The following INSR variants were observed in gnomAD, a reference collection of about 807,000 sequenced individuals.
INSR encodes the protein IR.
In INSR, 67 loss-of-function variants were observed where a neutral mutation model predicts 142.6. The ratio of observed to expected loss-of-function variants is 0.47; its 90% CI spans 0.39 to 0.58. The LOEUF is 0.58. INSR is among the 20% of genes least tolerant of loss of function. The pLI, the probability that INSR is intolerant of heterozygous loss-of-function variation, is 0.00. For missense variants in INSR, 1,248 were observed against 1,833.2 expected (o/e 0.68, Z 5.83); for synonymous variants, 756 against 743.1 (o/e 1.02, Z -0.28).
chr19:7,136,900 C>T (rs1260414923), intron 13 of INSR, among the ~76,000 whole-genome samples: 2 of 150,778 alleles, frequency 1.3e-5, no homozygotes, highest in Admixed American at 6.6e-5. Flanking sequence ...GGTGTGATCT[C>T]GGAATCACTG....
intron 2 of INSR, among the ~76,000 whole-genome samples, chr19:7,185,130 G>A (rs1175115214): frequency 1.3e-5 from 2 of 152,174 alleles, no homozygotes; most frequent in African/African-American, 2.4e-5. Context: ...ATGATATTAG[G>A]AGGTGGTGAG....
At chr19:7,142,389 C>CAAAAAAAA (rs34453877) in intron 12 of INSR, among the ~76,000 whole-genome samples, 21 of 42,142 alleles carry the variant, frequency 5.0e-4, no homozygotes, top group African/African-American at 2.1e-3. Context: ...GACTTCATCT[C>CAAAAAAAA]AAAAAAAAAA....
intron 11 of INSR, among the ~76,000 whole-genome samples, chr19:7,145,382 C>A (rs1451162196): frequency 6.6e-6 from 1 of 151,934 alleles, no homozygotes; most frequent in Non-Finnish European, 1.5e-5. Context: ...TGAAAGGGAT[C>A]TTTTCCCTTA....
At chr19:7,149,350 ACT>A (rs1442837787) in intron 11 of INSR, among the ~76,000 whole-genome samples, 2 of 151,860 alleles carry the variant, frequency 1.3e-5, no homozygotes, top group African/African-American at 2.4e-5. Context: ...ATAAATAAAC[ACT>A]CTGCTAAAGG....
intron 1 of INSR, among the ~76,000 whole-genome samples, chr19:7,289,550 GACCCGCC>G (rs1463075565): frequency 4.0e-5 from 6 of 151,264 alleles, no homozygotes; most frequent in Non-Finnish European, 7.4e-5. Context: ...GGATTACAAG[GACCCGCC>G]ACCACACCTG....
chr19:7,251,565 A>AT (rs78569445), intron 2 of INSR, among the ~76,000 whole-genome samples: 80 of 148,822 alleles, frequency 5.4e-4, no homozygotes, highest in Middle Eastern at 3.5e-3. Flanking sequence ...CCGGCCATCA[A>AT]TTTTTTTTTT....
At chr19:7,149,144 T>C (rs1000255606) in intron 11 of INSR, among the ~76,000 whole-genome samples, 12 of 151,942 alleles carry the variant, frequency 7.9e-5, no homozygotes, top group Non-Finnish European at 1.3e-4. Context: ...TCTGATCTCA[T>C]GATCCGCCCG....
chr19:7,177,712 T>TTA (rs1444815458), intron 3 of INSR, among the ~76,000 whole-genome samples: 1 of 147,504 alleles, frequency 6.8e-6, no homozygotes, highest in East Asian at 2.0e-4. Flanking sequence ...ATTTTTTTTT[T>TTA]TTTTTTTTTT....
rs533605833 is a variant in INSR at position 7,220,437 on chromosome 19, C to T, written c.653-35800G>A. 7.3e-3 allele frequency among the ~76,000 whole-genome samples: 1,104 copies of T among 152,244 alleles called. 12 individuals are homozygous for T. Among genetic ancestry groups the T allele is most frequent in the African/African-American group, 0.025 (1,049 of 41,530 alleles). On this transcript the variant is annotated intron_variant, in intron 2 of 21. Coordinates refer to ENST00000302850, the MANE Select transcript of INSR (RefSeq NM_000208.4). Reference sequence around the variant, plus strand: ...TCCCGAGGAGCTGGGGCTACAGGCGCGCCACCACGCCTGGCTAATTTTTGT... The same window carrying T: ...TCCCGAGGAGCTGGGGCTACAGGCGTGCCACCACGCCTGGCTAATTTTTGT...
At chr19:7,219,386 CA>C (rs578096405) in intron 2 of INSR, among the ~76,000 whole-genome samples, 1 of 150,792 alleles carries the variant, frequency 6.6e-6, no homozygotes, top group Non-Finnish European at 1.5e-5. Context: ...CTCTGATTGT[CA>C]TGCCTTGGAT....
rs775896190 is a variant in INSR at position 7,125,469 on chromosome 19, G to GTCA, written c.3071_3072insTGA (p.Thr1024_Leu1025insAsp). 6.2e-7 allele frequency: 1 copy of GTCA among 1,614,086 alleles called. No individual in the cohort carries two copies. Among genetic ancestry groups the GTCA allele is most frequent in the Non-Finnish European group, 8.5e-7 (1 of 1,180,022 alleles). ...AGCCCTGCCCCAGCTCTCGAAGGAG[G>GTCA]GTGATCTTCTCTCGAGACACCTCCC... On this transcript the variant is annotated inframe_insertion, in exon 17 of 22. Transcript: ENST00000302850. The surrounding 1 kb of genome is among the most constrained non-coding windows in gnomAD (Gnocchi z 4.9).
chr19:7,232,660 A>G (rs1190024224), intron 2 of INSR, among the ~76,000 whole-genome samples: 1 of 152,030 alleles, frequency 6.6e-6, no homozygotes, highest in Admixed American at 6.6e-5. Flanking sequence ...ACTACAAAAA[A>G]TCAGCCAGGC....
chr19:7,218,148 G>A (rs533168748), intron 2 of INSR, among the ~76,000 whole-genome samples: 1 of 152,092 alleles, frequency 6.6e-6, no homozygotes, highest in Non-Finnish European at 1.5e-5. Context: ...AGGGGGAAGG[G>A]GAGAAATTCT....
intron 17 of INSR, among the ~76,000 whole-genome samples, chr19:7,123,347 T>A (rs1407500883): frequency 1.3e-5 from 2 of 151,804 alleles, no homozygotes; most frequent in Non-Finnish European, 2.9e-5. Context: ...TTTTGTATTT[T>A]TAGTAGAGAC....
chr19:7,168,505 T>C lies in INSR; in HGVS notation c.1484-411A>G, dbSNP rs997555759. Among the ~76,000 whole-genome samples the C allele has an allele frequency of 1.3e-5, 2 of 152,170 alleles. No individual in the cohort carries two copies. Among genetic ancestry groups the C allele is most frequent in the African/African-American group, 4.8e-5 (2 of 41,444 alleles). ...TGCAACTCCAGTGCAAATAAACCTA[T>C]GCCAAGTGAGTTTAGAGACCCTGCA... On this transcript the variant is annotated intron_variant, in intron 6 of 21. Transcript: ENST00000302850. This position sits in a 1 kb window ranked among gnomAD's most constrained non-coding sequence, Gnocchi z 4.3.
At chr19:7,271,685 C>T (rs1351246423) in intron 1 of INSR, among the ~76,000 whole-genome samples, 3 of 152,260 alleles carry the variant, frequency 2.0e-5, no homozygotes, top group Admixed American at 6.5e-5. Flanking sequence ...CACACAAAGA[C>T]GTGTACACAA....
At chr19:7,153,107 AACAC>A (rs796105691) in intron 9 of INSR, among the ~76,000 whole-genome samples, 180 bp from the exon 10 acceptor site, 1 of 578 alleles carries the variant, frequency 1.7e-3, no homozygotes, top group Non-Finnish European at 4.5e-3. Flanking sequence ...ACACACCACA[AACAC>A]ACAACCACAC....
intron 19 of INSR, among the ~76,000 whole-genome samples, chr19:7,122,120 C>T (rs1391692346): frequency 2.7e-5 from 4 of 146,734 alleles, no homozygotes; most frequent in African/African-American, 5.1e-5. Context: ...CCAGCCTGGG[C>T]GACAGAGCAA....
chr19:7,150,383 C>G lies in INSR; in HGVS notation c.2267+114G>C. ...GTGAAGCATCTGCTCTCCAGCACAGCTGCCCGCCGCATGCAAAAAGCCACA... is the reference window on the plus strand; with the variant it reads ...GTGAAGCATCTGCTCTCCAGCACAGGTGCCCGCCGCATGCAAAAAGCCACA... On this transcript the variant is annotated intron_variant, in intron 11 of 21. Transcript: ENST00000302850. The surrounding 1 kb of genome is among the most constrained non-coding windows in gnomAD (Gnocchi z 4.2). The G allele has an allele frequency of 1.1e-6, 1 of 883,074 alleles. No homozygotes were observed. The highest frequency in any genetic ancestry group is 1.9e-6 in the Non-Finnish European group (1 of 538,614). The allele number at this position is 883,074 out of a possible 1,614,324, so 54.7% of individuals were successfully genotyped here.
Sources: gnomAD v4.1 joint callset for allele counts (sites outside exome capture counted in the v4.1 genomes callset) on GRCh38, gnomAD v4.1.1 for gene constraint, Gnocchi (gnomAD v3.1) non-coding constraint, MANE v1.5 for transcripts, NCBI Gene and HGNC (gene_info 2026-07-23, HGNC 2026-07-21) for gene names.